Variants in SP6 observed in about 807,000 individuals in gnomAD.
SP6 encodes the protein Sp6 transcription factor.
A neutral mutation model predicts 23.4 loss-of-function variants in SP6; 10 were observed. The observed-to-expected ratio is 0.43, with a 90% CI of 0.26 to 0.72. SP6 has a LOEUF of 0.72. Ranked by LOEUF, SP6 falls within the 30% of genes least tolerant of loss-of-function variation. The pLI is 0.23. For missense variants in SP6, 482 were observed against 523.8 expected (o/e 0.92, Z 0.78); for synonymous variants, 238 against 238.7 (o/e 1.00, Z 0.03).
chr17:47,875,783 T>A, the SP6 span, among the ~76,000 whole-genome samples: 8 of 152,354 alleles, frequency 5.3e-5, no homozygotes, highest in East Asian at 9.6e-4. Flanking sequence ...CTGAGTTGTG[T>A]AACAGTGCTC....
chr17:47,867,570 G>T, the SP6 span, among the ~76,000 whole-genome samples: 1 of 152,138 alleles, frequency 6.6e-6, no homozygotes, highest in South Asian at 2.1e-4. Flanking sequence ...CTTGTGCAAG[G>T]GTAGACCACC....
At chr17:47,874,298 C>T in the SP6 span, among the ~76,000 whole-genome samples, 1 of 152,040 alleles carries the variant, frequency 6.6e-6, no homozygotes, top group African/African-American at 2.4e-5. Flanking sequence ...ATTATATTGC[C>T]CAGGCTGGTC....
chr17:47,861,700 T>A, the SP6 span, among the ~76,000 whole-genome samples: 2 of 151,618 alleles, frequency 1.3e-5, no homozygotes, highest in African/African-American at 4.8e-5. Flanking sequence ...GCCACTGCAC[T>A]CCAGCCTGGG....
chr17:47,852,322 G>A (rs1481643753), upstream of SP6, among the ~76,000 whole-genome samples: 2 of 152,096 alleles, frequency 1.3e-5, no homozygotes, highest in Non-Finnish European at 2.9e-5. Flanking sequence ...AGCACCGGTG[G>A]GTAGGGAAGT....
At chr17:47,867,816 A>G in the SP6 span, among the ~76,000 whole-genome samples, 1 of 152,078 alleles carries the variant, frequency 6.6e-6, no homozygotes, top group African/African-American at 2.4e-5. Context: ...GGAGCCTGGG[A>G]AGGAAGAATC....
At chr17:47,867,556 G>A in the SP6 span, among the ~76,000 whole-genome samples, 20 of 152,284 alleles carry the variant, frequency 1.3e-4, no homozygotes, top group Admixed American at 2.0e-4. Flanking sequence ...GTGGAATCAC[G>A]CCTCTTGTGC....
chr17:47,859,581 A>G (rs543220209), upstream of SP6, among the ~76,000 whole-genome samples: 5 of 152,246 alleles, frequency 3.3e-5, no homozygotes, highest in Non-Finnish European at 7.3e-5. Context: ...TGAGTGAATT[A>G]GAGAAAGGGC....
upstream of SP6, among the ~76,000 whole-genome samples, chr17:47,851,567 C>G (rs1598061665): frequency 1.3e-5 from 2 of 152,170 alleles, no homozygotes; most frequent in East Asian, 3.8e-4. Flanking sequence ...TGGCCCTTGA[C>G]CCTCTCTGAA....
chr17:47,864,001 C>CTTTT, the SP6 span, among the ~76,000 whole-genome samples: 1 of 101,558 alleles, frequency 9.8e-6, no homozygotes, highest in African/African-American at 3.8e-5. Context: ...CCGCGCCTGG[C>CTTTT]TTTTTTTTTT....
At chr17:47,860,056 A>G (rs1291495560), upstream of SP6, among the ~76,000 whole-genome samples, 1 of 150,808 alleles carries the variant, frequency 6.6e-6, no homozygotes, top group Non-Finnish European at 1.5e-5. Flanking sequence ...CCTACAGGAG[A>G]AAATCTACAC....
At chr17:47,873,103 A>G in the SP6 span, among the ~76,000 whole-genome samples, 22 of 152,280 alleles carry the variant, frequency 1.4e-4, no homozygotes, top group Non-Finnish European at 2.8e-4. Context: ...TAGACCTGGA[A>G]TTCACACAAT....
chr17:47,873,630 G>C, the SP6 span, among the ~76,000 whole-genome samples: 1 of 152,156 alleles, frequency 6.6e-6, no homozygotes, highest in Non-Finnish European at 1.5e-5. Context: ...GGGAAAAAAG[G>C]CTCTTCCCGA....
chr17:47,851,736 C>T (rs2033958919), upstream of SP6, among the ~76,000 whole-genome samples: 3 of 147,808 alleles, frequency 2.0e-5, no homozygotes, highest in Admixed American at 2.0e-4. Flanking sequence ...TGCCCTGCCT[C>T]ACCCCCCGCA....
chr17:47,867,871 G>T, the SP6 span, among the ~76,000 whole-genome samples: 1 of 152,106 alleles, frequency 6.6e-6, no homozygotes. Context: ...CACCCCCACT[G>T]GAAGCCTTTG....
chr17:47,847,949 G>T lies in SP6; in HGVS notation c.481C>A (p.Leu161Ile), dbSNP rs921730284. 7.0e-6 allele frequency: 11 copies of T among 1,571,778 alleles called. No homozygotes were observed. Among genetic ancestry groups the T allele is most frequent in the Non-Finnish European group, 9.5e-6 (11 of 1,158,590 alleles). ...TGCGGGTGGGGTGGCGGGGCACAAA[G>T]CTGGTGGTCTCCGACGTAGCCCCCC... is the stretch of plus-strand genomic sequence containing the variant. Reference protein sequence around the residue: ...GLGGYVGDHQLCAPPPHPHAH... With the variant: ...GLGGYVGDHQICAPPPHPHAH... Residue 161 changes from leucine to isoleucine, a missense_variant, in exon 2 of 2, where the codon CTT becomes ATT. Physicochemically the swap from Leu to Ile is conservative, Grantham distance 5. Around this residue, in one of 3 missense-constraint regions of SP6, gnomAD observed 330 missense variants for 332.3 expected, o/e 0.99. Transcript: ENST00000536300.
upstream of SP6, among the ~76,000 whole-genome samples, chr17:47,852,336 G>A (rs1235727367): frequency 2.6e-5 from 4 of 151,982 alleles, no homozygotes; most frequent in Non-Finnish European, 5.9e-5. Context: ...GGGAAGTTCC[G>A]TCCTCCACCC....
rs74543534 is a variant in SP6, at chr17:47,845,653, G to A, written c.*1646C>T. 9,058 of 152,624 alleles carry A rather than the reference G, an allele frequency of 0.059. 371 individuals carry two copies. Among genetic ancestry groups the A allele is most frequent in the African/African-American group, 0.13 (5,280 of 41,486 alleles). 9.5% of individuals were successfully genotyped at this position (152,624 alleles called of 1,614,324 possible). On this transcript the variant is annotated 3_prime_UTR_variant, in exon 2 of 2. Transcript: ENST00000536300. ...TGGTGAATAAGATGGGGTCTCCCTG[G>A]CTAGAGACCCCAGGCTCAGTAGAGA...
Position 47,847,421 on chromosome 17 carries a change from C to G in SP6, c.1009G>C (p.Glu337Gln), listed in dbSNP as rs145280290. ...CCAGCCGCCTCCTCCTTGGCGCCCT[C>G]GTGGGTTTTCATGTGCTTGGCCAGG... Reference protein sequence around the residue: ...DHLAKHMKTHEGAKEEAAGAA... With the variant: ...DHLAKHMKTHQGAKEEAAGAA... Residue 337 changes from glutamate (E) to glutamine (Q), a missense_variant, in exon 2 of 2, where the codon GAG (glutamate) becomes CAG (glutamine). By Grantham distance (29) the Glu-to-Gln change is conservative. This residue lies in a region of SP6 where 101 missense variants were observed against 99.3 expected (regional missense o/e 1.02). Coordinates refer to ENST00000536300, the MANE Select transcript of SP6 (RefSeq NM_001258248.2). The G allele has an allele frequency of 8.0e-4, 1,292 of 1,613,638 alleles. 3 individuals carry two copies. Among genetic ancestry groups the G allele is most frequent in the Admixed American group, 1.9e-3 (116 of 60,026 alleles).
rs1441893763 is a variant in SP6 at position 47,845,044 on chromosome 17, G to C, written c.*2255C>G. 8.5e-5 allele frequency: 13 copies of C among 152,444 alleles called. No individual in the cohort carries two copies. Among genetic ancestry groups the C allele is most frequent in the Non-Finnish European group, 1.9e-4 (13 of 68,040 alleles). The allele number at this position is 152,444 out of a possible 1,614,324, so 9.4% of individuals were successfully genotyped here. A position where few individuals can be genotyped will look rare whatever the true frequency, so the allele number is the denominator to read the frequency against. Reference sequence around the variant, plus strand: ...TTCCTCTAGGGGGACTGCCTAGAAAGACAGGCAGCCAAGCAGCCTAGATCT... The same window carrying C: ...TTCCTCTAGGGGGACTGCCTAGAAACACAGGCAGCCAAGCAGCCTAGATCT... On this transcript the variant is annotated 3_prime_UTR_variant, in exon 2 of 2. Coordinates refer to ENST00000536300, the MANE Select transcript of SP6 (RefSeq NM_001258248.2).
Sources: gnomAD v4.1 joint callset for allele counts (sites outside exome capture counted in the v4.1 genomes callset) on GRCh38, gnomAD v4.1.1 for gene constraint, gnomAD v4.1.1 regional missense constraint, MANE v1.5 for transcripts, NCBI Gene and HGNC (gene_info 2026-07-23, HGNC 2026-07-21) for gene names.